Variants in PDE10A observed in about 807,000 individuals in gnomAD.
PDE10A encodes the protein cAMP and cAMP-inhibited cGMP 3',5'-cyclic phosphodiesterase 10A.
A neutral mutation model predicts 97.7 loss-of-function variants in PDE10A; 39 were observed. That is an observed-to-expected ratio of 0.40 (90% CI 0.31 to 0.52). The LOEUF (loss-of-function observed/expected upper bound fraction) is 0.52. Among genes scored for constraint, PDE10A ranks in the 20% least tolerant of loss-of-function variants. The pLI, the probability that PDE10A is intolerant of heterozygous loss-of-function variation, is 0.56. For synonymous variants in PDE10A, 371 were observed against 376.8 expected, an observed-to-expected ratio of 0.98 and a Z score of 0.18; for missense variants, 731 against 1,047.8, an observed-to-expected ratio of 0.70 and a Z score of 4.17.
At chr6:165,783,914 CGGCTATGAAAAGCT>C (rs1778413038) in intron 1 of PDE10A, among the ~76,000 whole-genome samples, 1 of 152,082 alleles carries the variant, frequency 6.6e-6, no homozygotes, top group South Asian at 2.1e-4. Context: ...AAGTGAGAAG[CGGCTATGAAAAGCT>C]GTCTGCCTTG....
At chr6:165,889,871 T>C (rs1429295845) in intron 1 of PDE10A, among the ~76,000 whole-genome samples, 2 of 126,324 alleles carry the variant, frequency 1.6e-5, no homozygotes, top group Non-Finnish European at 3.4e-5. Context: ...CACTCACTCC[T>C]CACTCCTCCC....
At chr6:165,385,375 T>C (rs1785235779) in intron 17 of PDE10A, among the ~76,000 whole-genome samples, 1 of 152,014 alleles carries the variant, frequency 6.6e-6, no homozygotes, top group Admixed American at 6.5e-5. Flanking sequence ...GCAGAAGTCC[T>C]ATTGAGCACT....
At chr6:165,532,504 T>A (rs6933353) in intron 2 of PDE10A, among the ~76,000 whole-genome samples, 2,677 of 151,892 alleles carry the variant, frequency 0.018, 94 homozygotes, top group African/African-American at 0.062. Context: ...GTAGTTAGAG[T>A]ATGTGATCTC....
chr6:165,791,632 C>T (rs980901441), intron 1 of PDE10A, among the ~76,000 whole-genome samples: 12 of 152,146 alleles, frequency 7.9e-5, no homozygotes, highest in South Asian at 6.2e-4. Context: ...TTAGGAGACA[C>T]GGCTCGTTTC....
chr6:165,643,370 A>G lies in PDE10A; in HGVS notation c.865+18577T>C, dbSNP rs544592502. ...TGGGTTTGCTGACTTAGTGAAATAAAGAGTCTCCCACATTCACAGATGCTC... is the reference window on the plus strand; with the variant it reads ...TGGGTTTGCTGACTTAGTGAAATAAGGAGTCTCCCACATTCACAGATGCTC... On this transcript the variant is annotated intron_variant, in intron 1 of 21. Coordinates refer to ENST00000539869, the MANE Select transcript of PDE10A (RefSeq NM_001385079.1). 9.9e-5 allele frequency among the ~76,000 whole-genome samples: 15 copies of G among 152,282 alleles called. No individual in the cohort carries two copies. The East Asian group carries it at 2.7e-3, about 27-fold the overall frequency.
rs370583515 is a variant in PDE10A, at chr6:165,804,713, G to A, written c.-615+182816C>T. Among the ~76,000 whole-genome samples the A allele has an allele frequency of 5.0e-3, 756 of 152,112 alleles. 11 individuals are homozygous for A. The highest frequency in any genetic ancestry group is 0.023 in the South Asian group (113 of 4,814). The stretch of plus-strand genomic sequence containing the variant: ...AGGGGAAGAGCAGAGGCACCGGCTC[G>A]GCTGCAGGTGGGAGGGTGTCCGGGT... On this transcript the variant is annotated intron_variant, in intron 1 of 19. Coordinates refer to the PDE10A transcript ENST00000366882.
intron 13 of PDE10A, among the ~76,000 whole-genome samples, chr6:165,397,013 C>T (rs1274306353): frequency 2.0e-5 from 3 of 152,134 alleles, no homozygotes; most frequent in Admixed American, 6.6e-5. Flanking sequence ...CAGCAATGAA[C>T]TCAAATGAGT....
At chr6:165,786,119 T>A (rs1267763343) in intron 1 of PDE10A, among the ~76,000 whole-genome samples, 1 of 152,222 alleles carries the variant, frequency 6.6e-6, no homozygotes, top group Admixed American at 6.5e-5. Flanking sequence ...ATTTATTGAG[T>A]CTGCTGCATG....
chr6:165,377,200 G>T (rs1784658051), intron 18 of PDE10A, among the ~76,000 whole-genome samples: 1 of 152,008 alleles, frequency 6.6e-6, no homozygotes, highest in Non-Finnish European at 1.5e-5. Flanking sequence ...TGTGTGACTT[G>T]CTTTATTATG....
At chr6:165,808,753 G>A (rs1333953244) in intron 1 of PDE10A, among the ~76,000 whole-genome samples, 1 of 152,186 alleles carries the variant, frequency 6.6e-6, no homozygotes, top group Non-Finnish European at 1.5e-5. Flanking sequence ...ATTTAAGTCA[G>A]TTGACTTATT....
chr6:165,835,188 T>C (rs1432164861), intron 1 of PDE10A, among the ~76,000 whole-genome samples: 1 of 152,222 alleles, frequency 6.6e-6, no homozygotes, highest in Non-Finnish European at 1.5e-5. Flanking sequence ...GTAACTCCCA[T>C]ACCTCCAGCC....
At chr6:165,757,802 A>G (rs1306730067) in intron 1 of PDE10A, among the ~76,000 whole-genome samples, 3 of 152,202 alleles carry the variant, frequency 2.0e-5, no homozygotes, top group African/African-American at 7.2e-5. Context: ...TGACCTTTGG[A>G]GTCACCCTGT....
In PDE10A at chr6:165,388,452, C is replaced by T. The variant is rs978699509; in HGVS notation, c.2456G>A (p.Arg819His). The change falls in exon 17 of 22, where the codon CGC (arginine) becomes CAC (histidine). Residue 819 changes from arginine to histidine, a missense_variant and splice_region_variant. Around this residue, in one of 8 missense-constraint regions of PDE10A, gnomAD observed 131 missense variants for 187.4 expected, o/e 0.70. Coordinates refer to ENST00000539869, the MANE Select transcript of PDE10A (RefSeq NM_001385079.1). This position sits in a 1 kb window ranked among gnomAD's most constrained non-coding sequence, Gnocchi z 4.0. ...NNHTLFTDLE[R>H]KGLLIACLCH... is the part of the protein sequence containing the mutation. ...CAGACACGCAATCAGCAGTCCTTTGCGCTTTAAAAAATAATATGATGCAGA... is the reference window on the plus strand; with the variant it reads ...CAGACACGCAATCAGCAGTCCTTTGTGCTTTAAAAAATAATATGATGCAGA... The T allele has an allele frequency of 2.0e-5, 33 of 1,613,646 alleles. No individual in the cohort carries two copies. The highest frequency in any genetic ancestry group is 2.2e-5 in the East Asian group (1 of 44,890).
chr6:165,744,923 GCA>G (rs1456929855), intron 1 of PDE10A, among the ~76,000 whole-genome samples: 1 of 151,804 alleles, frequency 6.6e-6, no homozygotes, highest in Non-Finnish European at 1.5e-5. Flanking sequence ...GGCCTAAAGG[GCA>G]CACATGTTTT....
At chr6:165,648,549 T>A (rs1383676280) in intron 1 of PDE10A, among the ~76,000 whole-genome samples, 1 of 152,220 alleles carries the variant, frequency 6.6e-6, no homozygotes, top group African/African-American at 2.4e-5. Flanking sequence ...ACTGAATGCC[T>A]TATTCTATCA....
chr6:165,671,458 G>C lies in PDE10A; in HGVS notation c.-614-127890C>G, dbSNP rs1790645617. 6.6e-6 allele frequency among the ~76,000 whole-genome samples: 1 copy of C among 152,124 alleles called. No individual in the cohort carries two copies. The highest frequency in any genetic ancestry group is 2.4e-5 in the African/African-American group (1 of 41,412). ...TGAGCCCATTCACAGGGCCACTTAG[G>C]ATTGAGGTCCACCCAGGAAGAGGAA... On this transcript the variant is annotated intron_variant, in intron 1 of 19. Transcript: ENST00000366882. This position sits in a 1 kb window ranked among gnomAD's most constrained non-coding sequence, Gnocchi z 4.6.
chr6:165,851,879 C>A (rs1197809597), intron 1 of PDE10A, among the ~76,000 whole-genome samples: 1 of 151,932 alleles, frequency 6.6e-6, no homozygotes, highest in East Asian at 1.9e-4. Context: ...TTGCTTCAGG[C>A]CAAGAGTTCA....
chr6:165,499,032 A>C (rs1327954108), intron 2 of PDE10A, among the ~76,000 whole-genome samples: 1 of 152,234 alleles, frequency 6.6e-6, no homozygotes, highest in Admixed American at 6.5e-5. Flanking sequence ...TTCTGTGAAC[A>C]CTGAAAATTA....
At chr6:165,810,293 G>C (rs1003224171) in intron 1 of PDE10A, among the ~76,000 whole-genome samples, 6 of 152,188 alleles carry the variant, frequency 3.9e-5, no homozygotes, top group African/African-American at 1.4e-4. Flanking sequence ...GTCCAAAGTA[G>C]AATCCGATCT....
Sources: gnomAD v4.1 joint callset for allele counts (sites outside exome capture counted in the v4.1 genomes callset) on GRCh38, gnomAD v4.1.1 for gene constraint, gnomAD v4.1.1 regional missense constraint, Gnocchi (gnomAD v3.1) non-coding constraint, MANE v1.5 for transcripts, NCBI Gene and HGNC (gene_info 2026-07-23, HGNC 2026-07-21) for gene names.